The following THSD7A variants were observed in gnomAD, a reference collection of about 807,000 sequenced individuals.
THSD7A encodes the protein thrombospondin type-1 domain-containing protein 7A.
In THSD7A, 96 loss-of-function variants were observed where a neutral mutation model predicts 231.3. The ratio of observed to expected loss-of-function variants is 0.41; its 90% confidence interval spans 0.35 to 0.49. THSD7A has a LOEUF of 0.49. Among genes scored for constraint, THSD7A ranks in the 20% least tolerant of loss-of-function variants. THSD7A has a pLI of 0.05. For synonymous variants in THSD7A, 940 were observed against 743.3 expected (o/e 1.26, Z -4.30); for missense variants, 2,290 against 2,070.2 (o/e 1.11, Z -2.06).
At chr7:11,585,837 G>T (rs1470371474) in intron 4 of THSD7A, among the ~76,000 whole-genome samples, 3 of 152,060 alleles carry the variant, frequency 2.0e-5, no homozygotes, top group Admixed American at 2.0e-4. Context: ...GAACATCTCT[G>T]AGGCATGTGA....
At chr7:11,475,388 C>T (rs901927197) in intron 7 of THSD7A, among the ~76,000 whole-genome samples, 1 of 151,832 alleles carries the variant, frequency 6.6e-6, no homozygotes, top group African/African-American at 2.4e-5. Flanking sequence ...AGCCCCACCT[C>T]CCGGTTTTTC....
chr7:11,724,967 A>G (rs1350536331), intron 1 of THSD7A, among the ~76,000 whole-genome samples: 2 of 151,676 alleles, frequency 1.3e-5, no homozygotes, highest in African/African-American at 4.8e-5. Flanking sequence ...TTTAATTCTT[A>G]TGGATAACTC....
In THSD7A at chr7:11,406,669, G is replaced by T. The variant is rs940552837; in HGVS notation, c.4063-195C>A. Among the ~76,000 whole-genome samples, 1 of 151,998 alleles carries T rather than the reference G, an allele frequency of 6.6e-6. No homozygotes were observed. Among genetic ancestry groups the T allele is most frequent in the Admixed American group, 6.6e-5 (1 of 15,250 alleles). On this transcript the variant is annotated intron_variant, in intron 21 of 27. Coordinates refer to ENST00000423059, the MANE Select transcript of THSD7A (RefSeq NM_015204.3). The surrounding 1 kb of genome is among the most constrained non-coding windows in gnomAD (Gnocchi z 4.7). Reference sequence around the variant, plus strand: ...CAATTTGTTTCCTAGCTAAAGACAGGAAAATAAATTTTCATTAAAATGAAT... The same window carrying T: ...CAATTTGTTTCCTAGCTAAAGACAGTAAAATAAATTTTCATTAAAATGAAT...
chr7:11,536,271 T>C (rs1788911618), intron 6 of THSD7A, among the ~76,000 whole-genome samples: 1 of 152,178 alleles, frequency 6.6e-6, no homozygotes. Context: ...CCTTTTAGTT[T>C]ATACAACATT....
At chr7:11,618,041 T>A (rs1245849627) in intron 2 of THSD7A, among the ~76,000 whole-genome samples, 1 of 152,166 alleles carries the variant, frequency 6.6e-6, no homozygotes, top group Non-Finnish European at 1.5e-5. Context: ...CATCTAGAAA[T>A]ATCTTTTAAA....
rs531978379 is a variant in THSD7A at position 11,804,570 on chromosome 7, T to C, written c.190+27187A>G. 2.0e-5 allele frequency among the ~76,000 whole-genome samples: 3 copies of C among 152,338 alleles called. No homozygotes were observed. The South Asian group carries it at 6.2e-4, about 32-fold the overall frequency. On this transcript the variant is annotated intron_variant, in intron 1 of 27. Coordinates refer to ENST00000423059, the MANE Select transcript of THSD7A (RefSeq NM_015204.3). ...GTTAAAAGTGATACACAAAGTGCTA[T>C]ATACAGTGTTCCAATCTGCATGGGT... is the stretch of plus-strand genomic sequence containing the variant.
chr7:11,504,979 G>C (rs936449258), intron 6 of THSD7A, among the ~76,000 whole-genome samples: 2 of 152,048 alleles, frequency 1.3e-5, no homozygotes, highest in African/African-American at 2.4e-5. Context: ...TAATATCTTT[G>C]TTGTAGGCAT....
chr7:11,707,299 T>C (rs1260870441), intron 1 of THSD7A, among the ~76,000 whole-genome samples: 1 of 150,966 alleles, frequency 6.6e-6, no homozygotes, highest in African/African-American at 2.4e-5. Context: ...AGTATTCGTC[T>C]TTGCAAGATA....
intron 6 of THSD7A, among the ~76,000 whole-genome samples, chr7:11,531,140 A>G (rs1788692046): frequency 6.6e-6 from 1 of 152,218 alleles, no homozygotes; most frequent in Non-Finnish European, 1.5e-5. Flanking sequence ...AAGGATTCCA[A>G]CATCTCCACT....
intron 6 of THSD7A, among the ~76,000 whole-genome samples, chr7:11,517,225 C>G (rs1045187930): frequency 6.6e-6 from 1 of 152,002 alleles, no homozygotes; most frequent in South Asian, 2.1e-4. Context: ...ATTACAGGTG[C>G]CCACCACCAT....
chr7:11,641,185 C>A (rs1030036312), intron 1 of THSD7A, among the ~76,000 whole-genome samples: 3 of 151,988 alleles, frequency 2.0e-5, no homozygotes, highest in Admixed American at 6.6e-5. Flanking sequence ...GTGTGTATAC[C>A]TTTTACATAT....
intron 4 of THSD7A, among the ~76,000 whole-genome samples, chr7:11,587,915 G>C (rs2128339850): frequency 6.6e-6 from 1 of 152,168 alleles, no homozygotes; most frequent in East Asian, 1.9e-4. Flanking sequence ...TTGTGTTAGG[G>C]TCTTTTTCAC....
chr7:11,448,083 C>T (rs1189354677), intron 11 of THSD7A, among the ~76,000 whole-genome samples: 1 of 152,132 alleles, frequency 6.6e-6, no homozygotes, highest in African/African-American at 2.4e-5. Flanking sequence ...AAGTTCTTCA[C>T]ATGCACAAAC....
chr7:11,769,660 A>T (rs188130396), intron 1 of THSD7A, among the ~76,000 whole-genome samples: 3 of 152,212 alleles, frequency 2.0e-5, no homozygotes, highest in African/African-American at 7.2e-5. Context: ...CTGATTTATT[A>T]ATGTTGGCTA....
At chr7:11,393,468 C>A (rs1783063463) in intron 23 of THSD7A, among the ~76,000 whole-genome samples, 1 of 152,188 alleles carries the variant, frequency 6.6e-6, no homozygotes, top group South Asian at 2.1e-4. Flanking sequence ...CAAAGTATCA[C>A]AACTCTTCGC....
intron 1 of THSD7A, among the ~76,000 whole-genome samples, chr7:11,782,767 T>C (rs1206404558): frequency 6.6e-6 from 1 of 152,212 alleles, no homozygotes; most frequent in Non-Finnish European, 1.5e-5. Context: ...CCGTTGGCTA[T>C]AGAAAGTTAA....
chr7:11,409,748 T>TC (rs1468044531), intron 19 of THSD7A, among the ~76,000 whole-genome samples: 2 of 148,444 alleles, frequency 1.3e-5, no homozygotes, highest in Non-Finnish European at 2.9e-5. Context: ...ATACTGATGT[T>TC]CTTTTTTTTT....
At chr7:11,773,850 T>C (rs1047970039) in intron 1 of THSD7A, among the ~76,000 whole-genome samples, 58 of 152,246 alleles carry the variant, frequency 3.8e-4, no homozygotes, top group African/African-American at 1.4e-3. Context: ...ATAAAAAGCC[T>C]GTTATTAACA....
chr7:11,613,735 G>C (rs1299357941), intron 2 of THSD7A, among the ~76,000 whole-genome samples: 2 of 152,136 alleles, frequency 1.3e-5, no homozygotes, highest in African/African-American at 4.8e-5. Flanking sequence ...CCACACTCTG[G>C]GTGAACAATT....
Sources: allele counts gnomAD v4.1 joint callset (sites outside exome capture counted in the v4.1 genomes callset), GRCh38; gene constraint gnomAD v4.1.1; non-coding constraint Gnocchi (gnomAD v3.1); transcripts MANE v1.5; gene names NCBI Gene and HGNC (gene_info 2026-07-23, HGNC 2026-07-21).